The following CLEC4F variants were observed in gnomAD, a reference collection of about 807,000 sequenced individuals.
CLEC4F encodes C-type (calcium dependent, carbohydrate-recognition domain) lectin, superfamily member 13.
A neutral mutation model predicts 53.4 loss-of-function variants in CLEC4F; 45 were observed. That is an observed-to-expected ratio of 0.84 (90% CI 0.66 to 1.08). The LOEUF is 1.08. Ranked by LOEUF, CLEC4F falls within the 50% of genes least tolerant of loss-of-function variation. The pLI is 0.00. For missense variants in CLEC4F, 753 were observed against 698.2 expected (o/e 1.08, Z -0.88); for synonymous variants, 245 against 257.5 (o/e 0.95, Z 0.46).
chr2:70,825,011 A>G (rs1677312471), upstream of CLEC4F, among the ~76,000 whole-genome samples: 1 of 152,220 alleles, frequency 6.6e-6, no homozygotes, highest in East Asian at 1.9e-4. Context: ...AACTTGGCAA[A>G]CACTACCCCA....
chr2:70,820,321 T>C, intron 1 of CLEC4F, 142 bp downstream of exon 1: 1 of 702,938 alleles, frequency 1.4e-6, no homozygotes, highest in East Asian at 2.9e-5. Flanking sequence ...GTTCATCCCC[T>C]TTCTCTTGCC....
chr2:70,819,456 C>T lies in CLEC4F; in HGVS notation c.179-12G>A. The T allele has an allele frequency of 1.2e-6, 2 of 1,613,210 alleles. No individual in the cohort carries two copies. Among genetic ancestry groups the T allele is most frequent in the South Asian group, 2.2e-5 (2 of 91,030 alleles). On this transcript the variant is annotated splice_polypyrimidine_tract_variant and intron_variant, in intron 2 of 6. Transcript: ENST00000272367. ...TGTCTGCTGTTGAACTGAGACATTC[C>T]ATTTTTCCAGGTCAGCAAATCCCCA...
intron 3 of CLEC4F, among the ~76,000 whole-genome samples, chr2:70,817,782 C>T (rs1325073396): frequency 1.3e-5 from 2 of 152,140 alleles, no homozygotes; most frequent in African/African-American, 4.8e-5. Context: ...TAACACTGGA[C>T]CTCAGCTGAG....
chr2:70,815,999 G>C lies in CLEC4F; in HGVS notation c.1382C>G (p.Thr461Ser). 1 of 1,611,592 alleles carries C rather than the reference G, an allele frequency of 6.2e-7. No homozygotes were observed. The highest frequency in any genetic ancestry group is 8.5e-7 in the Non-Finnish European group (1 of 1,178,360). ...GACTCCCCTCTCCCACTTACTTTGG[G>C]TTCTTTGTAGCTGTTCCTGTGAAGT... The part of the protein sequence containing the change: ...VITSQEQLQR[T>S]QSQLLQMVLQ... The change falls in exon 4 of 7, where the codon ACC becomes AGC. Residue 461 changes from threonine (T) to serine (S), a missense_variant. Coordinates refer to ENST00000272367, the MANE Select transcript of CLEC4F (RefSeq NM_173535.3).
Position 70,808,797 on chromosome 2 carries a change from A to C in CLEC4F, c.*474T>G. 1 of 451,028 alleles carries C rather than the reference A, an allele frequency of 2.2e-6. No individual in the cohort carries two copies. The highest frequency in any genetic ancestry group is 4.1e-6 in the Non-Finnish European group (1 of 244,822). The allele number at this position is 451,028 out of a possible 1,614,324, so 27.9% of individuals were successfully genotyped here. ...AAGCATGTTTGAAAGGGCTGAATCA[A>C]AGAACAAGGCAGGAAGTCCACAAGG... On this transcript the variant is annotated 3_prime_UTR_variant, in exon 7 of 7. Coordinates refer to ENST00000272367, the MANE Select transcript of CLEC4F (RefSeq NM_173535.3).
rs1254689493 is a variant in CLEC4F at position 70,815,890 on chromosome 2, C to A, written c.1387+104G>T. ...TTGGGCCCATTTCCCTGGATTTGGTCAAGGAGATGCATGTTGCAGTAAAAA... is the reference window on the plus strand; with the variant it reads ...TTGGGCCCATTTCCCTGGATTTGGTAAAGGAGATGCATGTTGCAGTAAAAA... On this transcript the variant is annotated intron_variant, in intron 4 of 6. Transcript: ENST00000272367. The A allele has an allele frequency of 1.3e-5, 16 of 1,267,154 alleles. No individual in the cohort carries two copies. In the African/African-American group the frequency reaches 2.3e-4, roughly 18 times the overall value. The allele number at this position is 1,267,154 out of a possible 1,614,324, so 78.5% of individuals were successfully genotyped here. A position where few individuals can be genotyped will look rare whatever the true frequency, so the allele number is the denominator to read the frequency against.
At chr2:70,818,425 A>C (rs1677045261) in intron 3 of CLEC4F, among the ~76,000 whole-genome samples, 1 of 152,134 alleles carries the variant, frequency 6.6e-6, no homozygotes, top group African/African-American at 2.4e-5. Flanking sequence ...TAAAACTAAA[A>C]ACCGGGCTGG....
chr2:70,819,945 G>A, intron 1 of CLEC4F, 54 bp from the exon 2 acceptor site: 1 of 1,260,906 alleles, frequency 7.9e-7, no homozygotes, highest in Non-Finnish European at 1.1e-6. Flanking sequence ...AAGGTAAGAG[G>A]GTGCTGTGCA....
rs1183403078 is a variant in CLEC4F, at chr2:70,808,874, G to A, written c.*397C>T. 16 of 587,752 alleles carry A rather than the reference G, an allele frequency of 2.7e-5. No individual in the cohort carries two copies. Among genetic ancestry groups the A allele is most frequent in the Middle Eastern group, 4.5e-4 (1 of 2,216 alleles). 36.4% of individuals were successfully genotyped at this position (587,752 alleles called of 1,614,324 possible). A position where few individuals can be genotyped will look rare whatever the true frequency, so the allele number is the denominator to read the frequency against. On this transcript the variant is annotated 3_prime_UTR_variant, in exon 7 of 7. Coordinates refer to ENST00000272367, the MANE Select transcript of CLEC4F (RefSeq NM_173535.3). Reference sequence around the variant, plus strand: ...AGAGCTCAGAGGCTCCGAAGGCATCGAGGAGGAGGGTCAGTATTGGCAAGC... The same window carrying A: ...AGAGCTCAGAGGCTCCGAAGGCATCAAGGAGGAGGGTCAGTATTGGCAAGC...
chr2:70,819,334 AC>A lies in CLEC4F; in HGVS notation c.268+20del. 1.2e-6 allele frequency: 2 copies of A among 1,601,886 alleles called. No homozygotes were observed. The highest frequency in any genetic ancestry group is 1.7e-6 in the Non-Finnish European group (2 of 1,169,064). On this transcript the variant is annotated intron_variant, in intron 3 of 6. Transcript: ENST00000272367. ...AAGGCCCCAGTTCCCTCTGCACCCC[AC>A]CCCCACTGTGGCTACTCACTGTTGG...
At chr2:70,813,291 C>T (rs571119348) in intron 4 of CLEC4F, among the ~76,000 whole-genome samples, 32 of 152,310 alleles carry the variant, frequency 2.1e-4, no homozygotes, top group African/African-American at 7.5e-4. Flanking sequence ...ATCAATCAGA[C>T]ATGATTGATG....
In CLEC4F at chr2:70,816,883, T is replaced by G; in HGVS notation, c.498A>C (p.Thr166=). 6.2e-7 allele frequency: 1 copy of G among 1,614,194 alleles called. No individual in the cohort carries two copies. The highest frequency in any genetic ancestry group is 2.2e-5 in the East Asian group (1 of 44,890). The part of the protein sequence containing the change: ...LKDATTLSLQ[T]QMLRSSLEGT... ...CCTCCAGGGAACTCCTTAACATCTGTGTCTGCAAACTCAATGTAGTGGCAT... is the reference window on the plus strand; with the variant it reads ...CCTCCAGGGAACTCCTTAACATCTGGGTCTGCAAACTCAATGTAGTGGCAT... The change falls in exon 4 of 7, where the codon ACA becomes ACC. Residue 166 remains threonine (T), a synonymous_variant. Transcript: ENST00000272367.
chr2:70,811,599 T>A, intron 5 of CLEC4F: 1 of 305,118 alleles, frequency 3.3e-6, no homozygotes, highest in South Asian at 3.2e-5. Flanking sequence ...CAAGTCAAAT[T>A]GGACCACAAA....
In CLEC4F at chr2:70,809,106, T is replaced by C; in HGVS notation, c.*165A>G. Reference sequence around the variant, plus strand: ...CGAAGACAACAGGGCTTTATACTGTTAGATGAAGGCAGCATCCCTTCCTGG... The same window carrying C: ...CGAAGACAACAGGGCTTTATACTGTCAGATGAAGGCAGCATCCCTTCCTGG... On this transcript the variant is annotated 3_prime_UTR_variant, in exon 7 of 7. Coordinates refer to ENST00000272367, the MANE Select transcript of CLEC4F (RefSeq NM_173535.3). 6.5e-7 allele frequency: 1 copy of C among 1,550,282 alleles called. No individual in the cohort carries two copies. Among genetic ancestry groups the C allele is most frequent in the Non-Finnish European group, 8.7e-7 (1 of 1,147,004 alleles).
At chr2:70,815,881 G>T in intron 4 of CLEC4F, 113 bp downstream of exon 4, 1 of 1,179,372 alleles carries the variant, frequency 8.5e-7, no homozygotes, top group Non-Finnish European at 1.2e-6. Flanking sequence ...CCATTTCCCT[G>T]GATTTGGTCA....
upstream of CLEC4F, among the ~76,000 whole-genome samples, chr2:70,823,576 G>A (rs1677279968): frequency 6.6e-6 from 1 of 151,806 alleles, no homozygotes. Flanking sequence ...CAGGAGAGGG[G>A]CATAGTTCTT....
chr2:70,808,908 C>T lies in CLEC4F; in HGVS notation c.*363G>A, dbSNP rs551717382. 1 of 632,616 alleles carries T rather than the reference C, an allele frequency of 1.6e-6. No individual in the cohort carries two copies. The highest frequency in any genetic ancestry group is 1.8e-5 in the African/African-American group (1 of 54,758). 39.2% of individuals were successfully genotyped at this position (632,616 alleles called of 1,614,324 possible). On this transcript the variant is annotated 3_prime_UTR_variant, in exon 7 of 7. Transcript: ENST00000272367. ...GGTCAGTATTGGCAAGCAGGAGCAGCCCCTCAGCTCTGGCCTGCCCTCAGG... is the reference window on the plus strand; with the variant it reads ...GGTCAGTATTGGCAAGCAGGAGCAGTCCCTCAGCTCTGGCCTGCCCTCAGG...
At chr2:70,809,945 C>T in intron 5 of CLEC4F, 88 bp from the exon 6 acceptor site, 1 of 799,252 alleles carries the variant, frequency 1.3e-6, no homozygotes, top group South Asian at 1.4e-5. Context: ...TAGATATACA[C>T]ATAATTATAT....
intron 4 of CLEC4F, among the ~76,000 whole-genome samples, chr2:70,814,443 G>A (rs1553395264): frequency 6.6e-6 from 1 of 152,152 alleles, no homozygotes; most frequent in Non-Finnish European, 1.5e-5. Flanking sequence ...ACCTGACAAC[G>A]TGGTAGAAAT....
Sources: gnomAD v4.1 joint callset for allele counts (sites outside exome capture counted in the v4.1 genomes callset) on GRCh38, gnomAD v4.1.1 for gene constraint, MANE v1.5 for transcripts, NCBI Gene and HGNC (gene_info 2026-07-23, HGNC 2026-07-21) for gene names.